ABCB5: variants seen among roughly 807,000 people sequenced by gnomAD.
The protein encoded by ABCB5 is ATP-binding cassette sub-family B member 5.
ABCB5 carries 155 observed loss-of-function variants against 144.2 expected under a neutral mutation model. The ratio of observed to expected loss-of-function variants is 1.08; its 90% confidence interval spans 0.94 to 1.23. The LOEUF is 1.23. ABCB5 is among the 50% of genes most tolerant of loss of function. ABCB5 has a pLI of 0.00. For missense variants in ABCB5, 1,830 were observed against 1,520.8 expected (o/e 1.20, Z -3.38); for synonymous variants, 610 against 528.6 (o/e 1.15, Z -2.11).
In ABCB5 at chr7:20,756,805, C is replaced by T. The variant is rs1308205809; in HGVS notation, c.*1181C>T. Reference sequence around the variant, plus strand: ...ATAACAATATTGGTAAAATGAGTTACATTTTCAACTTACTTAAATATGTAA... The same window carrying T: ...ATAACAATATTGGTAAAATGAGTTATATTTTCAACTTACTTAAATATGTAA... On this transcript the variant is annotated 3_prime_UTR_variant, in exon 28 of 28. Transcript: ENST00000404938. 1 of 152,180 alleles carries T rather than the reference C, an allele frequency of 6.6e-6. No homozygotes were observed. Among genetic ancestry groups the T allele is most frequent in the Non-Finnish European group, 1.5e-5 (1 of 68,010 alleles). 9.4% of individuals were successfully genotyped at this position (152,180 alleles called of 1,614,324 possible). A position where few individuals can be genotyped will look rare whatever the true frequency, so the allele number is the denominator to read the frequency against.
intron 5 of ABCB5, among the ~76,000 whole-genome samples, chr7:20,633,505 T>C (rs1784083855): frequency 6.6e-6 from 1 of 152,138 alleles, no homozygotes; most frequent in African/African-American, 2.4e-5. Context: ...ACAATAATTA[T>C]ACATATTTAT....
chr7:20,631,988 G>T, intron 4 of ABCB5, 71 bp from the exon 5 acceptor site: 1 of 969,832 alleles, frequency 1.0e-6, no homozygotes, highest in South Asian at 2.0e-5. Context: ...TTGGTTTGGA[G>T]GGCTATCTGT....
chr7:20,730,794 A>C (rs1391653699), intron 23 of ABCB5, among the ~76,000 whole-genome samples: 3 of 152,188 alleles, frequency 2.0e-5, no homozygotes, highest in African/African-American at 7.2e-5. Flanking sequence ...TTGTAATCCA[A>C]AAGTTTGTTT....
intron 26 of ABCB5, among the ~76,000 whole-genome samples, chr7:20,748,039 G>A (rs944223816): frequency 3.9e-5 from 6 of 152,102 alleles, no homozygotes; most frequent in African/African-American, 1.4e-4. Context: ...TGTAACTACC[G>A]CATTTTACAG....
At chr7:20,751,087 T>C (rs1299632353) in intron 26 of ABCB5, among the ~76,000 whole-genome samples, 2 of 152,140 alleles carry the variant, frequency 1.3e-5, no homozygotes, top group Non-Finnish European at 2.9e-5. Flanking sequence ...AGGATTAGAC[T>C]CTGGTGTTCC....
rs1249271038 is a variant in ABCB5 at position 20,658,575 on chromosome 7, G to A, written c.1606G>A (p.Ala536Thr). The A allele has an allele frequency of 1.2e-6, 2 of 1,614,154 alleles. No homozygotes were observed. Among genetic ancestry groups the A allele is most frequent in the South Asian group, 1.1e-5 (1 of 91,084 alleles). ...AGGGCAGAAACAGAGGATCGCAATT[G>A]CTCGTGCCTTAGTTCGAAACCCCAA... Reference protein sequence around the residue: ...SGGQKQRIAIARALVRNPKIL... With the variant: ...SGGQKQRIAITRALVRNPKIL... The change falls in exon 14 of 28, where the codon GCT (alanine) becomes ACT (threonine). Residue 536 changes from alanine (A) to threonine (T), a missense_variant. Physicochemically the swap from Ala to Thr is moderately conservative, Grantham distance 58. Coordinates refer to ENST00000404938, the MANE Select transcript of ABCB5 (RefSeq NM_001163941.2).
Position 20,745,348 on chromosome 7 carries a change from T to C in ABCB5, c.3339T>C (p.Tyr1113=), listed in dbSNP as rs1265193032. ...GCAGCATTGCTGAGAACATCGCCTATGGTGACAACAGCCGTGTGGTGCCAT... is the reference window on the plus strand; with the variant it reads ...GCAGCATTGCTGAGAACATCGCCTACGGTGACAACAGCCGTGTGGTGCCAT... The part of the protein sequence containing the change: ...FNCSIAENIA[Y]GDNSRVVPLD... The change falls in exon 26 of 28, where the codon TAT becomes TAC. Residue 1113 remains tyrosine, a synonymous_variant. Coordinates refer to ENST00000404938, the MANE Select transcript of ABCB5 (RefSeq NM_001163941.2). 1 of 1,614,050 alleles carries C rather than the reference T, an allele frequency of 6.2e-7. No individual in the cohort carries two copies. Among genetic ancestry groups the C allele is most frequent in the Non-Finnish European group, 8.5e-7 (1 of 1,180,018 alleles).
rs1782614637 is a variant in ABCB5, at chr7:20,743,114, AG to A, written c.3222+41del. ...AAACACACCTAATCTGGGGGTTAGCAGTCCTATTCTTAAACATTCACTAGGG... is the reference window on the plus strand; with the variant it reads ...AAACACACCTAATCTGGGGGTTAGCATCCTATTCTTAAACATTCACTAGGG... On this transcript the variant is annotated intron_variant, in intron 25 of 27. Transcript: ENST00000404938. The A allele has an allele frequency of 5.0e-6, 8 of 1,598,438 alleles. No homozygotes were observed. In the African/African-American group the frequency reaches 9.4e-5, roughly 19 times the overall value.
intron 14 of ABCB5, chr7:20,660,294 T>C: frequency 1.0e-6 from 1 of 985,194 alleles, no homozygotes; most frequent in Non-Finnish European, 1.2e-6. Context: ...AACAGCTATG[T>C]GGCATAATTA....
chr7:20,729,073 T>C (rs1293823087), intron 23 of ABCB5, among the ~76,000 whole-genome samples: 1 of 152,238 alleles, frequency 6.6e-6, no homozygotes, highest in East Asian at 1.9e-4. Context: ...ATTGTACATA[T>C]TATATATTTA....
At position 20,643,257 on chromosome 7, in the gene ABCB5, A is replaced by T. The variant is rs1390633089; in HGVS notation, c.388A>T (p.Ile130Leu). Residue 130 changes from isoleucine (I) to leucine (L), a missense_variant, in exon 6 of 28, where the codon ATA becomes TTA. Transcript: ENST00000404938. ...FGYIQISLWI[I>L]TAARQTKRIR... ...TTACATACAGATTTCCTTGTGGATT[A>T]TAACTGCAGCACGACAGACCAAGAG... is the stretch of plus-strand genomic sequence containing the variant. The T allele has an allele frequency of 1.2e-6, 2 of 1,613,838 alleles. No individual in the cohort carries two copies. The highest frequency in any genetic ancestry group is 1.7e-6 in the Non-Finnish European group (2 of 1,179,804).
Position 20,752,778 on chromosome 7 carries a change from G to A in ABCB5, c.3430-582G>A, listed in dbSNP as rs550869238. Among the ~76,000 whole-genome samples, 6 of 152,286 alleles carry A rather than the reference G, an allele frequency of 3.9e-5. No homozygotes were observed. The South Asian group carries it at 6.2e-4, about 16-fold the overall frequency. ...AGAGAATCGCTTGAAGCCGGGAGGC[G>A]GAGGTTGCAGTGAGCCAAGATTGCG... On this transcript the variant is annotated intron_variant, in intron 26 of 27. Coordinates refer to ENST00000404938, the MANE Select transcript of ABCB5 (RefSeq NM_001163941.2).
intron 14 of ABCB5, among the ~76,000 whole-genome samples, chr7:20,672,540 G>T (rs570635179): frequency 6.6e-6 from 1 of 152,034 alleles, no homozygotes; most frequent in South Asian, 2.1e-4. Flanking sequence ...TTCCAGTTCT[G>T]AACATGTATC....
At chr7:20,626,154 GGA>G (rs1157029346) in intron 2 of ABCB5, among the ~76,000 whole-genome samples, 4 of 152,178 alleles carry the variant, frequency 2.6e-5, no homozygotes, top group African/African-American at 9.7e-5. Flanking sequence ...CCAGGGGCTG[GGA>G]GATGGGGACA....
In ABCB5 at chr7:20,745,131, T is replaced by C. The variant is rs1186372587; in HGVS notation, c.3223-101T>C. On this transcript the variant is annotated intron_variant, in intron 25 of 27. Coordinates refer to ENST00000404938, the MANE Select transcript of ABCB5 (RefSeq NM_001163941.2). ...TATACTTTGAAATAGCTTGAATTCC[T>C]ATCCTTCTTGTTATGATTTGTGTGT... The C allele has an allele frequency of 8.9e-6, 11 of 1,235,484 alleles. No individual in the cohort carries two copies. In the East Asian group the frequency reaches 2.6e-4, roughly 29 times the overall value. The allele number at this position is 1,235,484 out of a possible 1,614,324, so 76.5% of individuals were successfully genotyped here. A position where few individuals can be genotyped will look rare whatever the true frequency, so the allele number is the denominator to read the frequency against.
At chr7:20,642,472 C>T (rs577059329) in intron 5 of ABCB5, among the ~76,000 whole-genome samples, 93 of 152,276 alleles carry the variant, frequency 6.1e-4, no homozygotes, top group African/African-American at 2.1e-3. Context: ...CCCATGTTTA[C>T]TCACCAGTTA....
At chr7:20,625,428 A>G (rs1050659079) in intron 2 of ABCB5, among the ~76,000 whole-genome samples, 2 of 152,174 alleles carry the variant, frequency 1.3e-5, no homozygotes, top group Non-Finnish European at 2.9e-5. Context: ...AAATCAGTGG[A>G]TACAATGTAC....
chr7:20,693,206 A>AAAAT (rs1022378461), intron 16 of ABCB5, among the ~76,000 whole-genome samples: 1 of 152,022 alleles, frequency 6.6e-6, no homozygotes, highest in African/African-American at 2.4e-5. Flanking sequence ...CTACAAAAAA[A>AAAAT]AATAATAATA....
intron 20 of ABCB5, among the ~76,000 whole-genome samples, chr7:20,717,437 CT>C (rs557306157): frequency 0.13 from 17,223 of 132,864 alleles, 1,368 homozygotes; most frequent in African/African-American, 0.33. Flanking sequence ...CAGATTTCCT[CT>C]TTTTTTTTTT....
Sources: allele counts gnomAD v4.1 joint callset (sites outside exome capture counted in the v4.1 genomes callset), GRCh38; gene constraint gnomAD v4.1.1; transcripts MANE v1.5; gene names NCBI Gene and HGNC (gene_info 2026-07-23, HGNC 2026-07-21).